CUX2: variants seen among roughly 807,000 people sequenced by gnomAD.
CUX2 encodes the protein homeobox protein cut-like 2.
CUX2 carries 40 observed loss-of-function variants against 144.8 expected under a neutral mutation model. The ratio of observed to expected loss-of-function variants is 0.28; its 90% CI spans 0.21 to 0.36. The LOEUF (loss-of-function observed/expected upper bound fraction) is 0.36. Ranked by LOEUF, CUX2 falls within the 10% of genes least tolerant of loss-of-function variation. CUX2 has a pLI of 1.00. For synonymous variants in CUX2, 827 were observed against 875.6 expected (o/e 0.94, Z 0.98); for missense variants, 1,615 against 1,994.0 (o/e 0.81, Z 3.62).
chr12:111,231,709 TACA>T (rs1882469575), intron 3 of CUX2, among the ~76,000 whole-genome samples: 2 of 152,176 alleles, frequency 1.3e-5, no homozygotes, highest in African/African-American at 4.8e-5. Flanking sequence ...AAAATAATAG[TACA>T]ACAATTAAAA....
chr12:111,088,003 G>C (rs1872337569), intron 1 of CUX2, among the ~76,000 whole-genome samples: 1 of 152,170 alleles, frequency 6.6e-6, no homozygotes, highest in African/African-American at 2.4e-5. Context: ...TAATGATGTG[G>C]ATACAGCTTG....
rs1159322819 is a variant in CUX2, at chr12:111,246,172, GATAACCGCACC to G, written c.223-17588_223-17578del. 6.6e-5 allele frequency among the ~76,000 whole-genome samples: 10 copies of G among 152,152 alleles called. No individual in the cohort carries two copies. The East Asian group carries it at 1.2e-3, about 18-fold the overall frequency. On this transcript the variant is annotated intron_variant, in intron 3 of 21. Transcript: ENST00000261726. The surrounding 1 kb of genome is among the most constrained non-coding windows in gnomAD (Gnocchi z 4.0). ...GTTTCCTCATCTGGAAAGTAGAAAT[GATAACCGCACC>G]TGCCACTGGTGTGACACAGAGATTC...
At chr12:111,342,186 T>C (rs1888608305) in intron 21 of CUX2, 133 bp downstream of exon 21, 3 of 1,078,606 alleles carry the variant, frequency 2.8e-6, no homozygotes, top group Non-Finnish European at 4.0e-6. Flanking sequence ...CACTTAGATA[T>C]AGAACACAGG....
chr12:111,066,505 C>T (rs1871025641), intron 1 of CUX2, among the ~76,000 whole-genome samples: 1 of 152,160 alleles, frequency 6.6e-6, no homozygotes, highest in South Asian at 2.1e-4. Flanking sequence ...GGACCAAAGG[C>T]TGAACAAATC....
rs533580649 is a variant in CUX2, at chr12:111,146,658, A to G, written c.64-67542A>G. On this transcript the variant is annotated intron_variant, in intron 1 of 21. Coordinates refer to ENST00000261726, the MANE Select transcript of CUX2 (RefSeq NM_015267.4). ...AGTAACGTGTATTTGATCCAAGGAC[A>G]CTAACGTGCGGGTGTGAGAGGTTAA... Among the ~76,000 whole-genome samples the G allele has an allele frequency of 2.6e-5, 4 of 152,318 alleles. No individual in the cohort carries two copies. The South Asian group carries it at 8.3e-4, about 32-fold the overall frequency.
chr12:111,295,318 CT>C lies in CUX2; in HGVS notation c.561-14del. On this transcript the variant is annotated splice_polypyrimidine_tract_variant and intron_variant, in intron 6 of 21. Transcript: ENST00000261726. The surrounding 1 kb of genome is among the most constrained non-coding windows in gnomAD (Gnocchi z 5.0). ...GTCCCTGCAGCCAGCACAAGCAGGC[CT>C]CGTCTCTCCGCAGGGGCCTTCAAGA... 16 of 1,610,680 alleles carry C rather than the reference CT, an allele frequency of 9.9e-6. No individual in the cohort carries two copies. The highest frequency in any genetic ancestry group is 1.3e-5 in the Non-Finnish European group (15 of 1,178,736).
chr12:111,321,640 C>A (rs2136403078), intron 17 of CUX2, among the ~76,000 whole-genome samples: 1 of 152,088 alleles, frequency 6.6e-6, no homozygotes, highest in East Asian at 1.9e-4. Context: ...CATGATCACA[C>A]CAGTGCACTC....
intron 3 of CUX2, among the ~76,000 whole-genome samples, chr12:111,224,319 A>G (rs1882012587): frequency 6.6e-6 from 1 of 151,812 alleles, no homozygotes; most frequent in African/African-American, 2.4e-5. Flanking sequence ...GCTTGCAGCC[A>G]GGCTTCCTGA....
chr12:111,206,114 T>C (rs1308912654), intron 1 of CUX2, among the ~76,000 whole-genome samples: 1 of 152,180 alleles, frequency 6.6e-6, no homozygotes, highest in Non-Finnish European at 1.5e-5. Context: ...GGCAGAAGGA[T>C]TGCTTGAGCC....
chr12:111,237,867 G>A (rs1882836042), intron 3 of CUX2, among the ~76,000 whole-genome samples: 1 of 152,152 alleles, frequency 6.6e-6, no homozygotes, highest in Non-Finnish European at 1.5e-5. Context: ...TGAATGCAGG[G>A]GTTCTGAGTG....
intron 18 of CUX2, among the ~76,000 whole-genome samples, chr12:111,331,233 A>G (rs1457279020): frequency 1.3e-5 from 2 of 151,882 alleles, no homozygotes; most frequent in African/African-American, 2.4e-5. Flanking sequence ...CGAGTGACCA[A>G]CTCACCCACG....
At chr12:111,258,608 A>G (rs80157466) in intron 3 of CUX2, among the ~76,000 whole-genome samples, 12,514 of 152,050 alleles carry the variant, frequency 0.082, 1,152 homozygotes, top group African/African-American at 0.23. Context: ...CAGGAAATCT[A>G]CACGGCTCCT....
intron 1 of CUX2, among the ~76,000 whole-genome samples, chr12:111,088,385 C>T (rs894334561): frequency 1.1e-4 from 16 of 152,120 alleles, no homozygotes; most frequent in South Asian, 2.1e-4. Context: ...GGAGCTACCA[C>T]GCCCAGCCTC....
intron 3 of CUX2, among the ~76,000 whole-genome samples, chr12:111,225,466 C>T (rs1013294715): frequency 2.6e-5 from 4 of 152,204 alleles, no homozygotes; most frequent in Admixed American, 6.5e-5. Context: ...CTCTCAGCAA[C>T]GCAGCCAGGA....
rs116113020 is a variant in CUX2, at chr12:111,220,980, C to T, written c.222+3043C>T. 9.2e-3 allele frequency among the ~76,000 whole-genome samples: 1,343 copies of T among 145,516 alleles called. 23 individuals carry two copies. The highest frequency in any genetic ancestry group is 0.032 in the African/African-American group (1,292 of 40,034). ...AAAAAAAGGAAAAAGGATTCAAACACTTCAGCAGCATGGAGGCAGTCCCAG... is the reference window on the plus strand; with the variant it reads ...AAAAAAAGGAAAAAGGATTCAAACATTTCAGCAGCATGGAGGCAGTCCCAG... On this transcript the variant is annotated intron_variant, in intron 3 of 21. Coordinates refer to ENST00000261726, the MANE Select transcript of CUX2 (RefSeq NM_015267.4).
chr12:111,096,968 C>T (rs1319217179), intron 1 of CUX2, among the ~76,000 whole-genome samples: 30 of 151,602 alleles, frequency 2.0e-4, no homozygotes, highest in Admixed American at 2.0e-3. Flanking sequence ...CAAAGCAGGG[C>T]TCCATCAAGA....
intron 1 of CUX2, among the ~76,000 whole-genome samples, chr12:111,120,839 G>C (rs960590348): frequency 6.6e-6 from 1 of 152,104 alleles, no homozygotes; most frequent in African/African-American, 2.4e-5. Context: ...GGATTATGTT[G>C]CCTTGCAAGT....
rs1317761850 is a variant in CUX2 at position 111,307,535 on chromosome 12, A to G, written c.1109+278A>G. ...GGAGACCCCATCTCTGTGAGAAAAAAACAATTTTAATTAGCCAGGAGTGGT... is the reference window on the plus strand; with the variant it reads ...GGAGACCCCATCTCTGTGAGAAAAAGACAATTTTAATTAGCCAGGAGTGGT... On this transcript the variant is annotated intron_variant, in intron 12 of 21. Transcript: ENST00000261726. The surrounding 1 kb of genome is among the most constrained non-coding windows in gnomAD (Gnocchi z 4.1). 1.3e-5 allele frequency among the ~76,000 whole-genome samples: 2 copies of G among 152,084 alleles called. No homozygotes were observed. The highest frequency in any genetic ancestry group is 2.9e-5 in the Non-Finnish European group (2 of 67,994).
rs1469436011 is a variant in CUX2, at chr12:111,348,110, T to G, written c.4246T>G (p.Ser1416Ala). 6.2e-7 allele frequency: 1 copy of G among 1,613,936 alleles called. No homozygotes were observed. Among genetic ancestry groups the G allele is most frequent in the African/African-American group, 1.3e-5 (1 of 74,868 alleles). ...LMMSVSPVPS[S>A]SAPISPSPPG... ...GATGTCTGTGTCACCTGTCCCCTCC[T>G]CCTCAGCTCCCATCTCCCCATCCCC... Residue 1416 changes from serine to alanine, a missense_variant, in exon 22 of 22, where the codon TCC becomes GCC. Physicochemically the swap from Ser to Ala is moderately conservative, Grantham distance 99 (BLOSUM62 1). Around this residue, in one of 12 missense-constraint regions of CUX2, gnomAD observed 298 missense variants for 330.4 expected, o/e 0.90. Transcript: ENST00000261726.
Sources: gnomAD v4.1 joint callset for allele counts (sites outside exome capture counted in the v4.1 genomes callset) on GRCh38, gnomAD v4.1.1 for gene constraint, gnomAD v4.1.1 regional missense constraint, Gnocchi (gnomAD v3.1) non-coding constraint, MANE v1.5 for transcripts, NCBI Gene and HGNC (gene_info 2026-07-23, HGNC 2026-07-21) for gene names.